The following CADPS variants were observed in gnomAD, a reference collection of about 807,000 sequenced individuals.
CADPS encodes calcium-dependent secretion activator 1.
A neutral mutation model predicts 167.3 loss-of-function variants in CADPS; 57 were observed. The observed-to-expected ratio is 0.34, with a 90% CI of 0.28 to 0.42. The LOEUF is 0.42. Among genes scored for constraint, CADPS ranks in the 20% least tolerant of loss-of-function variants. CADPS has a pLI of 1.00. For missense variants in CADPS, 1,414 were observed against 1,738.1 expected, an observed-to-expected ratio of 0.81 and a Z score of 3.32; for synonymous variants, 676 against 635.3, an observed-to-expected ratio of 1.06 and a Z score of -0.96.
intron 1 of CADPS, among the ~76,000 whole-genome samples, chr3:62,846,131 T>C (rs1032963831): frequency 2.0e-5 from 3 of 151,978 alleles, no homozygotes; most frequent in Admixed American, 1.3e-4. Flanking sequence ...CCTTCTACCA[T>C]GATTGTAAGT....
At chr3:62,676,560 AC>A (rs1563715963) in intron 3 of CADPS, among the ~76,000 whole-genome samples, 1 of 152,160 alleles carries the variant, frequency 6.6e-6, no homozygotes, top group Non-Finnish European at 1.5e-5. Flanking sequence ...AAAATCAGAT[AC>A]CTAAATAGTT....
intron 6 of CADPS, among the ~76,000 whole-genome samples, chr3:62,636,628 G>C (rs751116989): frequency 6.6e-6 from 1 of 152,174 alleles, no homozygotes; most frequent in Admixed American, 6.5e-5. Context: ...CAGCACAGGG[G>C]CGTTGCTGGA....
chr3:62,502,515 T>A (rs2065932584), intron 17 of CADPS, among the ~76,000 whole-genome samples: 1 of 152,244 alleles, frequency 6.6e-6, no homozygotes. Flanking sequence ...GTGCTGACAT[T>A]GAGATTTGAA....
Position 62,753,866 on chromosome 3 carries a change from G to T in CADPS, c.556-93C>A, listed in dbSNP as rs1012653301. On this transcript the variant is annotated intron_variant, in intron 2 of 29. Transcript: ENST00000383710. The surrounding 1 kb of genome is among the most constrained non-coding windows in gnomAD (Gnocchi z 4.6). ...TGGACACTGGGCCAGTCCACCTCAC[G>T]TGCATCCCAGGAGGAACCACTGTGG... The T allele has an allele frequency of 4.1e-6, 5 of 1,231,948 alleles. No homozygotes were observed. Among genetic ancestry groups the T allele is most frequent in the Admixed American group, 2.4e-5 (1 of 41,416 alleles). 76.3% of individuals were successfully genotyped at this position (1,231,948 alleles called of 1,614,324 possible).
intron 13 of CADPS, among the ~76,000 whole-genome samples, chr3:62,523,413 G>A (rs1047269894): frequency 2.3e-4 from 35 of 152,294 alleles, no homozygotes; most frequent in African/African-American, 7.9e-4. Flanking sequence ...GATTCAATGT[G>A]TTTTGTGAAA....
intron 3 of CADPS, among the ~76,000 whole-genome samples, chr3:62,704,590 A>T (rs1333899063): frequency 6.6e-6 from 1 of 152,064 alleles, no homozygotes. Flanking sequence ...CCCACTCTGC[A>T]TTGGACTTTG....
intron 6 of CADPS, among the ~76,000 whole-genome samples, chr3:62,600,637 TCTA>T (rs1488044072): frequency 6.6e-6 from 1 of 152,178 alleles, no homozygotes; most frequent in Non-Finnish European, 1.5e-5. Context: ...TTCCTGAATG[TCTA>T]CTGTGTGCAA....
intron 12 of CADPS, among the ~76,000 whole-genome samples, chr3:62,533,517 A>G (rs978220997): frequency 1.1e-4 from 17 of 152,200 alleles, no homozygotes; most frequent in African/African-American, 3.9e-4. Context: ...GTTGAGCCCT[A>G]TAGCAACTCT....
At chr3:62,656,621 C>T (rs1175673042) in intron 4 of CADPS, among the ~76,000 whole-genome samples, 1 of 152,106 alleles carries the variant, frequency 6.6e-6, no homozygotes, top group Non-Finnish European at 1.5e-5. Flanking sequence ...GATGGCTGAG[C>T]CCTCCACAGC....
At chr3:62,503,167 A>T (rs1237025745) in intron 17 of CADPS, among the ~76,000 whole-genome samples, 1 of 152,008 alleles carries the variant, frequency 6.6e-6, no homozygotes, top group East Asian at 1.9e-4. Flanking sequence ...AAAAAGATAC[A>T]CTTCGTACAA....
rs780996499 is a variant in CADPS at position 62,466,381 on chromosome 3, A to G, written c.3510T>C (p.Ile1170=). ...TTATCATTTCTTTAACAGTTTCTTCAATTAGTTCGTCTATTTTTGAATGGT... is the reference window on the plus strand; with the variant it reads ...TTATCATTTCTTTAACAGTTTCTTCGATTAGTTCGTCTATTTTTGAATGGT... ...HQYHSKIDEL[I]EETVKEMITL... Residue 1170 remains isoleucine (I), a synonymous_variant, in exon 25 of 30, where the codon ATT becomes ATC. Coordinates refer to ENST00000383710, the MANE Select transcript of CADPS (RefSeq NM_003716.4). 1 of 1,611,768 alleles carries G rather than the reference A, an allele frequency of 6.2e-7. No individual in the cohort carries two copies. Among genetic ancestry groups the G allele is most frequent in the African/African-American group, 1.3e-5 (1 of 74,882 alleles).
intron 6 of CADPS, among the ~76,000 whole-genome samples, chr3:62,636,668 A>G (rs2066374273): frequency 6.6e-6 from 1 of 152,148 alleles, no homozygotes; most frequent in Non-Finnish European, 1.5e-5. Context: ...AAACACATAG[A>G]AAGTATTATC....
chr3:62,409,876 T>G (rs1028544271), intron 28 of CADPS, among the ~76,000 whole-genome samples: 1 of 152,184 alleles, frequency 6.6e-6, no homozygotes, highest in Non-Finnish European at 1.5e-5. Flanking sequence ...AAATTAAAGA[T>G]GTCATCAGGA....
intron 1 of CADPS, among the ~76,000 whole-genome samples, chr3:62,816,886 C>T (rs1038114680): frequency 3.3e-5 from 5 of 152,106 alleles, no homozygotes; most frequent in South Asian, 4.1e-4. Flanking sequence ...CCAGAAGCTA[C>T]GCTGAAGCCC....
intron 17 of CADPS, among the ~76,000 whole-genome samples, chr3:62,505,689 A>G (rs1414083336): frequency 6.6e-6 from 1 of 152,198 alleles, no homozygotes; most frequent in Non-Finnish European, 1.5e-5. Flanking sequence ...ATGCCTTCAT[A>G]TGCCATAACA....
chr3:62,859,104 G>A (rs73097477), intron 1 of CADPS, among the ~76,000 whole-genome samples: 12,415 of 152,102 alleles, frequency 0.082, 658 homozygotes, highest in Non-Finnish European at 0.11. Flanking sequence ...TTCTTGCTGC[G>A]ATTAGGGAAA....
chr3:62,758,600 G>A (rs558141300), intron 2 of CADPS, among the ~76,000 whole-genome samples: 2 of 152,308 alleles, frequency 1.3e-5, no homozygotes, highest in African/African-American at 4.8e-5. Flanking sequence ...AGCTCTGTCT[G>A]TATTTTGTAT....
At chr3:62,650,761 GA>G (rs1296412533) in intron 5 of CADPS, 85 bp downstream of exon 5, 3 of 990,496 alleles carry the variant, frequency 3.0e-6, no homozygotes, top group Non-Finnish European at 3.1e-6. Context: ...GGGTGCAACA[GA>G]AAAAACAAGC....
At chr3:62,816,859 A>G (rs2094640134) in intron 1 of CADPS, among the ~76,000 whole-genome samples, 3 of 152,204 alleles carry the variant, frequency 2.0e-5, no homozygotes, top group African/African-American at 7.2e-5. Context: ...CCACAGTGAC[A>G]AAGATCTACT....
Sources: gnomAD v4.1 joint callset for allele counts (sites outside exome capture counted in the v4.1 genomes callset) on GRCh38, gnomAD v4.1.1 for gene constraint, Gnocchi (gnomAD v3.1) non-coding constraint, MANE v1.5 for transcripts, NCBI Gene and HGNC (gene_info 2026-07-23, HGNC 2026-07-21) for gene names.